The following NUP85 variants were observed in gnomAD, a reference collection of about 807,000 sequenced individuals.
NUP85 encodes the protein nucleoporin 85.
A neutral mutation model predicts 92.8 loss-of-function variants in NUP85; 23 were observed. The ratio of observed to expected loss-of-function variants is 0.25; its 90% CI spans 0.18 to 0.35. The LOEUF (loss-of-function observed/expected upper bound fraction) is 0.35. Among genes scored for constraint, NUP85 ranks in the 10% least tolerant of loss-of-function variants. The pLI is 1.00. For missense variants in NUP85, 759 were observed against 822.8 expected, an observed-to-expected ratio of 0.92 and a Z score of 0.95; for synonymous variants, 314 against 306.9, an observed-to-expected ratio of 1.02 and a Z score of -0.24.
At chr17:75,215,192 C>T (rs2075392277) in intron 5 of NUP85, among the ~76,000 whole-genome samples, 1 of 152,074 alleles carries the variant, frequency 6.6e-6, no homozygotes, top group African/African-American at 2.4e-5. Flanking sequence ...TAAATAATAA[C>T]TGGTGACATG....
In NUP85 at chr17:75,213,965, AG is replaced by A. The variant is rs2075353734; in HGVS notation, c.405+848del. Among the ~76,000 whole-genome samples the A allele has an allele frequency of 6.2e-5, 9 of 145,200 alleles. No individual in the cohort carries two copies. The South Asian group carries it at 2.0e-3, about 32-fold the overall frequency. ...CGGCTCACTGCAAGCTCCGCCTCCC[AG>A]GTTCATGCCATTCTCCTGCCTCAGC... On this transcript the variant is annotated intron_variant, in intron 5 of 18. Coordinates refer to ENST00000245544, the MANE Select transcript of NUP85 (RefSeq NM_024844.5).
intron 11 of NUP85, chr17:75,228,929 C>G: frequency 2.0e-6 from 2 of 985,474 alleles, no homozygotes; most frequent in African/African-American, 1.7e-5. Flanking sequence ...TGCTTGACTG[C>G]TAACCCCTTA....
intron 7 of NUP85, among the ~76,000 whole-genome samples, chr17:75,222,509 T>A (rs2075625891): frequency 1.4e-5 from 2 of 146,920 alleles, no homozygotes. Context: ...TTTTTTTTTT[T>A]TTTTTTTTTT....
intron 11 of NUP85, chr17:75,228,326 T>C: frequency 1.0e-6 from 1 of 985,376 alleles, no homozygotes; most frequent in Non-Finnish European, 1.2e-6. Context: ...TGATTAGGCT[T>C]GCAGTCCCCC....
rs2075484494 is a variant in NUP85 at position 75,218,063 on chromosome 17, C to T, written c.476-122C>T. The T allele has an allele frequency of 2.3e-6, 3 of 1,313,814 alleles. No homozygotes were observed. The Admixed American group carries it at 6.0e-5, about 26-fold the overall frequency. 81.4% of individuals were successfully genotyped at this position (1,313,814 alleles called of 1,614,324 possible). On this transcript the variant is annotated intron_variant, in intron 6 of 18. Transcript: ENST00000245544. The stretch of plus-strand genomic sequence containing the variant: ...TCATTCAGGACCATGTGTGTGACTG[C>T]TTAAAAGGGATAAACCTATGTAGTC...
At chr17:75,214,572 A>G (rs571946246) in intron 5 of NUP85, among the ~76,000 whole-genome samples, 1 of 152,322 alleles carries the variant, frequency 6.6e-6, no homozygotes, top group South Asian at 2.1e-4. Context: ...CAGTTCATCA[A>G]GATAGGCTGG....
At chr17:75,229,957 C>T (rs749964153) in intron 11 of NUP85, among the ~76,000 whole-genome samples, 1 of 152,052 alleles carries the variant, frequency 6.6e-6, no homozygotes, top group Non-Finnish European at 1.5e-5. Flanking sequence ...GTGTCCTTTC[C>T]CCTGGCCCAG....
intron 7 of NUP85, among the ~76,000 whole-genome samples, chr17:75,221,092 C>T (rs1287043575): frequency 6.6e-6 from 1 of 152,126 alleles, no homozygotes; most frequent in Non-Finnish European, 1.5e-5. Context: ...ACCATGTTAG[C>T]CAGGATGGTC....
intron 3 of NUP85, 91 bp from the exon 4 acceptor site, chr17:75,211,901 G>C: frequency 9.8e-7 from 1 of 1,021,496 alleles, no homozygotes; most frequent in Non-Finnish European, 1.5e-6. Context: ...CTTTCTTTCA[G>C]CAAATTTCTG....
intron 11 of NUP85, chr17:75,227,888 G>A (rs1325549623): frequency 1.3e-5 from 2 of 150,054 alleles, no homozygotes; most frequent in Non-Finnish European, 3.0e-5. Flanking sequence ...CGATCTGCCT[G>A]TCTTGGCCTC....
At chr17:75,206,852 C>A (rs760002744) in intron 1 of NUP85, among the ~76,000 whole-genome samples, 1 of 151,726 alleles carries the variant, frequency 6.6e-6, no homozygotes, top group African/African-American at 2.4e-5. Context: ...TGCCCGCCAC[C>A]ACGCCCGGCT....
At chr17:75,205,932 A>G in intron 1 of NUP85, 138 bp downstream of exon 1, 1 of 1,004,312 alleles carries the variant, frequency 1.0e-6, no homozygotes, top group Non-Finnish European at 1.5e-6. Context: ...ACTTTTCCGG[A>G]GGTCGCAGTG....
At chr17:75,210,097 T>C (rs1249865971) in intron 3 of NUP85, 112 bp downstream of exon 3, 7 of 1,065,016 alleles carry the variant, frequency 6.6e-6, no homozygotes, top group Middle Eastern at 2.2e-4. Flanking sequence ...AATAAGAGAC[T>C]CCTGGTTCTA....
At position 75,233,284 on chromosome 17, in the gene NUP85, A is replaced by G. The variant is rs907542763; in HGVS notation, c.1615+126A>G. On this transcript the variant is annotated intron_variant, in intron 16 of 18. Coordinates refer to ENST00000245544, the MANE Select transcript of NUP85 (RefSeq NM_024844.5). ...TTCCCATTGCATCAGTGGTCCCAGA[A>G]ACATCCTCCGTCATGTCCAGGATCA... The G allele has an allele frequency of 5.3e-5, 38 of 712,360 alleles. No individual in the cohort carries two copies. In the Admixed American group the frequency reaches 8.6e-4, roughly 16 times the overall value. 44.1% of individuals were successfully genotyped at this position (712,360 alleles called of 1,614,324 possible). A position where few individuals can be genotyped will look rare whatever the true frequency, so the allele number is the denominator to read the frequency against.
intron 11 of NUP85, chr17:75,228,312 G>C: frequency 1.0e-6 from 1 of 985,386 alleles, no homozygotes; most frequent in Non-Finnish European, 1.2e-6. Context: ...ACACAGACAA[G>C]GAATGATTAG....
intron 4 of NUP85, 37 bp downstream of exon 4, chr17:75,212,099 TG>T: frequency 1.4e-6 from 2 of 1,419,606 alleles, no homozygotes; most frequent in East Asian, 2.4e-5. Context: ...TGTGTGTGTG[TG>T]TGTGTGTGTG....
intron 16 of NUP85, 86 bp from the exon 17 acceptor site, chr17:75,234,551 G>C (rs963073687): frequency 1.1e-5 from 16 of 1,434,848 alleles, no homozygotes; most frequent in Non-Finnish European, 1.5e-5. Flanking sequence ...TTCTTCTCCT[G>C]TTTAGGGCCA....
chr17:75,228,558 T>G (rs143620169), intron 11 of NUP85: 40,585 of 985,294 alleles, frequency 0.041, 976 homozygotes, highest in Non-Finnish European at 0.046. Context: ...TGGGGAAAGG[T>G]TGAATTGGGG....
At chr17:75,210,500 C>T (rs1009704044) in intron 3 of NUP85, among the ~76,000 whole-genome samples, 7 of 152,272 alleles carry the variant, frequency 4.6e-5, no homozygotes, top group South Asian at 2.1e-4. Context: ...TCAAAATCTC[C>T]GTGGTTGGAT....
Sources: gnomAD v4.1 joint callset for allele counts (sites outside exome capture counted in the v4.1 genomes callset) on GRCh38, gnomAD v4.1.1 for gene constraint, MANE v1.5 for transcripts, NCBI Gene and HGNC (gene_info 2026-07-23, HGNC 2026-07-21) for gene names.